ALMS1: variants seen among roughly 807,000 people sequenced by gnomAD.
ALMS1 encodes ALMS1 centrosome and basal body associated protein.
ALMS1 carries 271 observed loss-of-function variants against 352.2 expected under a neutral mutation model. The observed-to-expected ratio is 0.77, with a 90% CI of 0.70 to 0.85. The LOEUF (loss-of-function observed/expected upper bound fraction) is 0.85. Ranked by LOEUF, ALMS1 falls within the 40% of genes least tolerant of loss-of-function variation. The pLI, the probability that ALMS1 is intolerant of heterozygous loss-of-function variation, is 0.00. For synonymous variants in ALMS1, 1,865 were observed against 1,761.2 expected (o/e 1.06, Z -1.48); for missense variants, 5,445 against 4,870.7 (o/e 1.12, Z -3.51).
chr2:73,521,299 A>G (rs866888598), intron 11 of ALMS1, among the ~76,000 whole-genome samples: 1 of 152,084 alleles, frequency 6.6e-6, no homozygotes, highest in African/African-American at 2.4e-5. Flanking sequence ...TTATGGGTCA[A>G]TTGGACTTTG....
intron 15 of ALMS1, among the ~76,000 whole-genome samples, chr2:73,571,816 C>A (rs1020922632): frequency 6.6e-6 from 1 of 151,974 alleles, no homozygotes; most frequent in Non-Finnish European, 1.5e-5. Flanking sequence ...AAAAATTTAT[C>A]CATTTAATTA....
chr2:73,444,152 G>A (rs751562881), intron 7 of ALMS1, among the ~76,000 whole-genome samples: 8 of 152,132 alleles, frequency 5.3e-5, no homozygotes, highest in Non-Finnish European at 7.4e-5. Flanking sequence ...GGGAACCTGC[G>A]TGTGGCTCAG....
In ALMS1 at chr2:73,455,250, C is replaced by G. The variant is rs765176723; in HGVS notation, c.7629C>G (p.Ile2543Met). ...NEDDRRKVEEIKAELFGHGRT... is the reference protein window; with the variant it reads ...NEDDRRKVEEMKAELFGHGRT... ...ATGACAGGAGGAAAGTAGAAGAGATCAAGGCAGAGTTATTTGGTCATGGAA... is the reference window on the plus strand; with the variant it reads ...ATGACAGGAGGAAAGTAGAAGAGATGAAGGCAGAGTTATTTGGTCATGGAA... The change falls in exon 9 of 23, where the codon ATC becomes ATG. Residue 2543 changes from isoleucine (I) to methionine (M), a missense_variant. Ile to Met is a conservative substitution (Grantham distance 10, BLOSUM62 1). Coordinates refer to ENST00000613296, the MANE Select transcript of ALMS1 (RefSeq NM_001378454.1). 1.9e-6 allele frequency: 3 copies of G among 1,614,082 alleles called. No individual in the cohort carries two copies. In the East Asian group the frequency reaches 6.7e-5, roughly 36 times the overall value.
Position 73,601,332 on chromosome 2 carries a change from C to A in ALMS1, c.12010C>A (p.Gln4004Lys). 1 of 1,614,180 alleles carries A rather than the reference C, an allele frequency of 6.2e-7. No individual in the cohort carries two copies. Residue 4004 changes from glutamine (Q) to lysine (K), a missense_variant, in exon 19 of 23, where the codon CAG (glutamine) becomes AAG (lysine). Gln to Lys is a moderately conservative substitution (Grantham distance 53). Transcript: ENST00000613296. Reference protein sequence around the residue: ...TRPWREPLREQNCQGQHLDGR... With the variant: ...TRPWREPLREKNCQGQHLDGR... ...ACCCTGGAGGGAGCCACTGCGGGAG[C>A]AGAACTGTCAGGGGCAGCACCTGGA...
intron 2 of ALMS1, among the ~76,000 whole-genome samples, chr2:73,416,054 A>G (rs6734450): frequency 0.87 from 132,384 of 152,118 alleles, 57,689 homozygotes; most frequent in Admixed American, 0.92. Context: ...TCACTATTAG[A>G]GAGGAGTGAA....
In ALMS1 at chr2:73,452,966, A is replaced by G; in HGVS notation, c.6439A>G (p.Lys2147Glu). ...ALPSSFSHRE[K>E]PDIFYQKDLP... ...TCCTAGTTCCTTTTCACATCGAGAGAAACCAGATATTTTCTATCAAAAGGA... is the reference window on the plus strand; with the variant it reads ...TCCTAGTTCCTTTTCACATCGAGAGGAACCAGATATTTTCTATCAAAAGGA... The change falls in exon 8 of 23, where the codon AAA (lysine) becomes GAA (glutamate). Residue 2147 changes from lysine to glutamate, a missense_variant. Physicochemically the swap from Lys to Glu is moderately conservative, Grantham distance 56. Transcript: ENST00000613296. 2 of 1,612,504 alleles carry G rather than the reference A, an allele frequency of 1.2e-6. 1 individual carries two copies. The highest frequency in any genetic ancestry group is 2.2e-5 in the South Asian group (2 of 90,966).
chr2:73,532,626 A>G (rs974843871), intron 11 of ALMS1, among the ~76,000 whole-genome samples: 5 of 151,962 alleles, frequency 3.3e-5, no homozygotes, highest in Non-Finnish European at 5.9e-5. Context: ...CTTCAGGGCA[A>G]TGGCCTCCCT....
chr2:73,572,999 C>G lies in ALMS1; in HGVS notation c.11122C>G (p.Gln3708Glu), dbSNP rs1674974178. Reference sequence around the variant, plus strand: ...TCATCATCGAGCTGGGAGGTCTAATCAAATTAAAATTGAACAGATTAAATT... The same window carrying G: ...TCATCATCGAGCTGGGAGGTCTAATGAAATTAAAATTGAACAGATTAAATT... ...LSHHRAGRSNQIKIEQIKFDK... is the reference protein window; with the variant it reads ...LSHHRAGRSNEIKIEQIKFDK... Residue 3708 changes from glutamine (Q) to glutamate (E), a missense_variant, in exon 16 of 23, where the codon CAA becomes GAA. Gln to Glu is a conservative substitution (Grantham distance 29). Coordinates refer to ENST00000613296, the MANE Select transcript of ALMS1 (RefSeq NM_001378454.1). 4 of 1,613,888 alleles carry G rather than the reference C, an allele frequency of 2.5e-6. No homozygotes were observed. Among genetic ancestry groups the G allele is most frequent in the Admixed American group, 1.7e-5 (1 of 59,954 alleles).
intron 7 of ALMS1, among the ~76,000 whole-genome samples, chr2:73,442,507 A>AC (rs551213652): frequency 2.0e-5 from 3 of 152,206 alleles, no homozygotes; most frequent in African/African-American, 7.2e-5. Flanking sequence ...AACATATCAC[A>AC]CCATCAGTTT....
intron 11 of ALMS1, among the ~76,000 whole-genome samples, chr2:73,531,276 C>A (rs1330407653): frequency 6.6e-6 from 1 of 152,166 alleles, no homozygotes; most frequent in Admixed American, 6.5e-5. Context: ...GCCAGGTAAC[C>A]TCTTGAATGC....
intron 12 of ALMS1, among the ~76,000 whole-genome samples, chr2:73,538,009 GAACAAAAA>G (rs751532252): frequency 2.2e-4 from 33 of 151,522 alleles, no homozygotes; most frequent in East Asian, 9.7e-4. Context: ...ATGTCTCAAA[GAACAAAAA>G]AACAAAAAAA....
At chr2:73,418,695 C>G (rs559732022) in intron 2 of ALMS1, among the ~76,000 whole-genome samples, 1 of 152,172 alleles carries the variant, frequency 6.6e-6, no homozygotes, top group Non-Finnish European at 1.5e-5. Flanking sequence ...GTTTCCCAAG[C>G]CACTTCTCAT....
intron 16 of ALMS1, among the ~76,000 whole-genome samples, chr2:73,580,585 C>T (rs955229241): frequency 3.9e-5 from 6 of 152,116 alleles, no homozygotes; most frequent in African/African-American, 1.4e-4. Context: ...CTATTTATTT[C>T]TCTCCTCTAA....
chr2:73,470,169 C>T (rs1045406832), intron 9 of ALMS1: 11 of 151,460 alleles, frequency 7.3e-5, no homozygotes, highest in Admixed American at 4.0e-4. Context: ...TTGATTTCTT[C>T]CTGTTTTTCT....
chr2:73,443,391 C>T (rs1265663071), intron 7 of ALMS1, among the ~76,000 whole-genome samples: 1 of 152,100 alleles, frequency 6.6e-6, no homozygotes, highest in Non-Finnish European at 1.5e-5. Flanking sequence ...TTTTTATATG[C>T]CCATCTTTGC....
chr2:73,397,350 A>G (rs1028948752), intron 1 of ALMS1, among the ~76,000 whole-genome samples: 8 of 151,462 alleles, frequency 5.3e-5, no homozygotes, highest in African/African-American at 1.7e-4. Context: ...TCTCTGATGG[A>G]TATAAGAAGA....
At chr2:73,534,431 TTTAG>T (rs1421703929) in intron 11 of ALMS1, among the ~76,000 whole-genome samples, 1 of 152,160 alleles carries the variant, frequency 6.6e-6, no homozygotes, top group African/African-American at 2.4e-5. Flanking sequence ...TAACATGTTT[TTTAG>T]TTAGAGTCAT....
intron 3 of ALMS1, 83 bp from the exon 4 acceptor site, chr2:73,422,774 T>A (rs1358084057): frequency 2.8e-6 from 3 of 1,085,800 alleles, no homozygotes; most frequent in Non-Finnish European, 4.3e-6. Flanking sequence ...TGGCAGCATA[T>A]GTAGGTGCTT....
At chr2:73,499,571 T>G (rs1192952048) in intron 10 of ALMS1, among the ~76,000 whole-genome samples, 1 of 152,206 alleles carries the variant, frequency 6.6e-6, no homozygotes, top group East Asian at 1.9e-4. Context: ...CTTCTGCATG[T>G]AAGTATCCAG....
Sources: allele counts gnomAD v4.1 joint callset (sites outside exome capture counted in the v4.1 genomes callset), GRCh38; gene constraint gnomAD v4.1.1; transcripts MANE v1.5; gene names NCBI Gene and HGNC (gene_info 2026-07-23, HGNC 2026-07-21).